PRKCH: variants seen among roughly 807,000 people sequenced by gnomAD.
PRKCH encodes the protein protein kinase C eta, also known as protein kinase C eta type.
In PRKCH, 28 loss-of-function variants were observed where a neutral mutation model predicts 82.5. The ratio of observed to expected loss-of-function variants is 0.34; its 90% confidence interval spans 0.25 to 0.47. The LOEUF (loss-of-function observed/expected upper bound fraction) is 0.47, where lower values mean the gene tolerates loss of function less well. PRKCH is among the 20% of genes least tolerant of loss of function. The probability of loss-of-function intolerance (pLI) is 1.00; values close to 1 mark genes in which losing one functional copy is unlikely to be tolerated. For synonymous variants in PRKCH, 322 were observed against 327.4 expected (o/e 0.98, Z 0.18); for missense variants, 705 against 881.8 (o/e 0.80, Z 2.54).
chr14:61,457,993 AG>A, intron 9 of PRKCH, among the ~76,000 whole-genome samples: 1 of 152,372 alleles, frequency 6.6e-6, no homozygotes, highest in South Asian at 2.1e-4. Flanking sequence ...CAGCAGTCTA[AG>A]AACAGAGAAA....
chr14:61,521,325 A>T (rs1237388212), intron 10 of PRKCH, among the ~76,000 whole-genome samples: 1 of 152,194 alleles, frequency 6.6e-6, no homozygotes, highest in Non-Finnish European at 1.5e-5. Context: ...GGCAGCTTTC[A>T]TAAGATTCTG....
chr14:61,427,157 G>T (rs1055353525), intron 2 of PRKCH, among the ~76,000 whole-genome samples: 1 of 152,160 alleles, frequency 6.6e-6, no homozygotes, highest in Non-Finnish European at 1.5e-5. Flanking sequence ...GAAGCAAGGG[G>T]TGGGGAGTTG....
chr14:61,335,965 A>C (rs560124044), intron 1 of PRKCH, among the ~76,000 whole-genome samples: 20 of 152,342 alleles, frequency 1.3e-4, no homozygotes, highest in Middle Eastern at 6.8e-3. Context: ...TCTGCCTCTC[A>C]TTAGCAGGGA....
chr14:61,416,700 C>G (rs1461887856), intron 2 of PRKCH, among the ~76,000 whole-genome samples: 2 of 152,048 alleles, frequency 1.3e-5, no homozygotes, highest in Admixed American at 6.6e-5. Flanking sequence ...TCCCCCTCCC[C>G]CAAGAGTGAT....
chr14:61,242,862 A>G (rs2140067351), intron 1 of PRKCH, among the ~76,000 whole-genome samples: 1 of 152,322 alleles, frequency 6.6e-6, no homozygotes, highest in South Asian at 2.1e-4. Context: ...ATAAACACGT[A>G]TTGTCTAAAT....
At chr14:61,425,145 A>G (rs77658046) in intron 2 of PRKCH, among the ~76,000 whole-genome samples, 1 of 152,240 alleles carries the variant, frequency 6.6e-6, no homozygotes, top group African/African-American at 2.4e-5. Flanking sequence ...GCAAAGGGAA[A>G]GTGAGGGGTT....
At position 61,400,759 on chromosome 14, in the gene PRKCH, A is replaced by G. The variant is rs557744947; in HGVS notation, c.427+9471A>G. 5.3e-5 allele frequency among the ~76,000 whole-genome samples: 8 copies of G among 152,278 alleles called. No individual in the cohort carries two copies. In the South Asian group the frequency reaches 1.7e-3, roughly 32 times the overall value. On this transcript the variant is annotated intron_variant, in intron 2 of 13. Coordinates refer to ENST00000332981, the MANE Select transcript of PRKCH (RefSeq NM_006255.5). ...CTGAGTACCTCTACGTGTTCATACC[A>G]TGCTATATATTATTCCATTTTCTCT...
chr14:61,431,138 C>T (rs1449504689), intron 2 of PRKCH, among the ~76,000 whole-genome samples: 1 of 151,848 alleles, frequency 6.6e-6, no homozygotes, highest in African/African-American at 2.4e-5. Context: ...TGGAGTTTAG[C>T]TGGTGTATGA....
intron 1 of PRKCH, among the ~76,000 whole-genome samples, chr14:61,355,606 C>T (rs2140154353): frequency 6.6e-6 from 1 of 152,150 alleles, no homozygotes; most frequent in African/African-American, 2.4e-5. Flanking sequence ...TACCTTTTTA[C>T]TAAAAATATA....
chr14:61,217,611 C>T (rs1460775544), intron 1 of PRKCH, among the ~76,000 whole-genome samples: 1 of 152,166 alleles, frequency 6.6e-6, no homozygotes. Flanking sequence ...TCAGCCTCAA[C>T]AGGAACATCA....
chr14:61,339,601 G>A (rs1165950463), intron 1 of PRKCH, among the ~76,000 whole-genome samples: 2 of 146,030 alleles, frequency 1.4e-5, no homozygotes, highest in Non-Finnish European at 3.0e-5. Context: ...GGGATTACAG[G>A]CGTGAGCCAC....
At chr14:61,339,583 A>G (rs1381642532) in intron 1 of PRKCH, among the ~76,000 whole-genome samples, 1 of 145,946 alleles carries the variant, frequency 6.9e-6, no homozygotes, top group African/African-American at 2.5e-5. Flanking sequence ...TCGGCCTCCC[A>G]AAGTGCTGGG....
chr14:61,464,216 C>G (rs1048792209), intron 9 of PRKCH, among the ~76,000 whole-genome samples: 7 of 152,148 alleles, frequency 4.6e-5, no homozygotes, highest in African/African-American at 1.7e-4. Flanking sequence ...TCTCCACATC[C>G]TCTTCAACAC....
chr14:61,420,086 A>G lies in PRKCH; in HGVS notation c.428-23025A>G, dbSNP rs560204855. ...GGGCCAGCACCTGCAGCCTCTTTCAACCAGACTGGTTGGTTGGAGCTTGGA... is the reference window on the plus strand; with the variant it reads ...GGGCCAGCACCTGCAGCCTCTTTCAGCCAGACTGGTTGGTTGGAGCTTGGA... On this transcript the variant is annotated intron_variant, in intron 2 of 13. Transcript: ENST00000332981. 2.5e-4 allele frequency among the ~76,000 whole-genome samples: 38 copies of G among 152,322 alleles called. 2 individuals are homozygous for G. In the South Asian group the frequency reaches 4.6e-3, roughly 18 times the overall value.
intron 1 of PRKCH, among the ~76,000 whole-genome samples, chr14:61,341,242 A>G (rs1288903623): frequency 1.3e-5 from 2 of 152,260 alleles, no homozygotes; most frequent in Middle Eastern, 3.4e-3. Context: ...TGAGCTAAGT[A>G]CTAATGGACA....
intron 1 of PRKCH, among the ~76,000 whole-genome samples, chr14:61,316,324 A>C (rs760942753): frequency 2.0e-5 from 3 of 152,164 alleles, no homozygotes; most frequent in Non-Finnish European, 4.4e-5. Flanking sequence ...AGTTGTGTGA[A>C]ATGTTCCTTA....
intron 1 of PRKCH, among the ~76,000 whole-genome samples, chr14:61,292,777 A>AG (rs2045375247): frequency 6.7e-6 from 1 of 149,788 alleles, no homozygotes; most frequent in Non-Finnish European, 1.5e-5. Context: ...TCTCCAAAAA[A>AG]AAAAAAAAAA....
intron 9 of PRKCH, among the ~76,000 whole-genome samples, chr14:61,480,275 A>G (rs908238387): frequency 6.6e-6 from 1 of 152,176 alleles, no homozygotes; most frequent in African/African-American, 2.4e-5. Context: ...TACAACCATA[A>G]TCCATCTTCC....
chr14:61,279,482 T>G (rs1447845841), intron 1 of PRKCH: 1 of 152,334 alleles, frequency 6.6e-6, no homozygotes, highest in Non-Finnish European at 1.5e-5. Context: ...CAGTGGAGTT[T>G]GTTAAAACAC....
Sources: gnomAD v4.1 joint callset for allele counts (sites outside exome capture counted in the v4.1 genomes callset) on GRCh38, gnomAD v4.1.1 for gene constraint, MANE v1.5 for transcripts, NCBI Gene and HGNC (gene_info 2026-07-23, HGNC 2026-07-21) for gene names.